The following CNNM1 variants were observed in gnomAD, a reference collection of about 807,000 sequenced individuals.
CNNM1 encodes cyclin and CBS domain divalent metal cation transport mediator 1, also known as metal transporter CNNM1.
Under a neutral mutation model 78.8 loss-of-function variants are expected in CNNM1, and 44 were observed. The observed-to-expected ratio is 0.56, with a 90% CI of 0.44 to 0.72. The LOEUF (loss-of-function observed/expected upper bound fraction) is 0.72. Among genes scored for constraint, CNNM1 ranks in the 30% least tolerant of loss-of-function variants. CNNM1 has a pLI of 0.00. For synonymous variants in CNNM1, 584 were observed against 581.5 expected (o/e 1.00, Z -0.06); for missense variants, 1,101 against 1,292.2 (o/e 0.85, Z 2.27).
At chr10:99,356,605 A>AAAGAAAGAAAGAAAGAAAGAAAGG (rs1491432735) in intron 1 of CNNM1, among the ~76,000 whole-genome samples, 1 of 56,326 alleles carries the variant, frequency 1.8e-5, no homozygotes, top group Non-Finnish European at 6.2e-5. Context: ...AGAAAGAAAG[A>AAAGAAAGAAAGAAAGAAAGAAAGG]AAAGAAAGAA....
At chr10:99,352,068 T>C (rs2030970133) in intron 1 of CNNM1, among the ~76,000 whole-genome samples, 1 of 152,184 alleles carries the variant, frequency 6.6e-6, no homozygotes, top group South Asian at 2.1e-4. Context: ...GCATCCCTAC[T>C]AATCTAATTC....
chr10:99,381,322 G>A (rs1352993862), intron 7 of CNNM1, among the ~76,000 whole-genome samples: 1 of 151,440 alleles, frequency 6.6e-6, no homozygotes, highest in Non-Finnish European at 1.5e-5. Context: ...GCTGAGGCAG[G>A]AGAATCGCTT....
Position 99,391,438 on chromosome 10 carries a change from T to C in CNNM1, c.2778T>C (p.Ser926=). Residue 926 remains serine (S), a splice_region_variant and synonymous_variant, in exon 11 of 11, where the codon AGT becomes AGC. Transcript: ENST00000356713. ...NVGKKLLRTL[S]GQKRKRSPEG... ...ATACTTGCAACTTGTTTTTTTCAGG[T>C]GGCCAAAAAAGGAAGAGGTCACCAG... 1 of 1,613,488 alleles carries C rather than the reference T, an allele frequency of 6.2e-7. No individual in the cohort carries two copies. The highest frequency in any genetic ancestry group is 2.2e-5 in the East Asian group (1 of 44,882).
intron 1 of CNNM1, among the ~76,000 whole-genome samples, chr10:99,350,972 G>A (rs1392093851): frequency 1.3e-5 from 2 of 152,186 alleles, no homozygotes; most frequent in African/African-American, 2.4e-5. Flanking sequence ...CAACCAGATT[G>A]TCTCCATACA....
chr10:99,356,600 G>GAAAGAAAGAAAGAAAGAAAGAAAAGA (rs780076032), intron 1 of CNNM1, among the ~76,000 whole-genome samples: 3 of 129,384 alleles, frequency 2.3e-5, no homozygotes, highest in Admixed American at 7.6e-5. Context: ...AAGAAAGAAA[G>GAAAGAAAGAAAGAAAGAAAGAAAAGA]AAAGAAAAGA....
chr10:99,389,620 T>C (rs2032414086), intron 9 of CNNM1, among the ~76,000 whole-genome samples: 1 of 152,042 alleles, frequency 6.6e-6, no homozygotes, highest in Non-Finnish European at 1.5e-5. Flanking sequence ...ATGAAGGCGA[T>C]GGAGTGGTCT....
intron 7 of CNNM1, among the ~76,000 whole-genome samples, chr10:99,384,461 A>G (rs566679962): frequency 6.6e-6 from 1 of 152,162 alleles, no homozygotes; most frequent in South Asian, 2.1e-4. Context: ...ACACCCACCA[A>G]CAGTGCAGAC....
intron 1 of CNNM1, among the ~76,000 whole-genome samples, chr10:99,341,926 C>T (rs1055005496): frequency 5.9e-5 from 9 of 152,098 alleles, no homozygotes; most frequent in Admixed American, 3.9e-4. Flanking sequence ...TTCTTGATGA[C>T]GCAGGATCAT....
At chr10:99,333,103 A>G (rs1007285801) in intron 1 of CNNM1, among the ~76,000 whole-genome samples, 12 of 152,126 alleles carry the variant, frequency 7.9e-5, no homozygotes, top group African/African-American at 2.9e-4. Context: ...GTGTCCTGAC[A>G]TGGTATTTCC....
chr10:99,347,804 G>A (rs549746917), intron 1 of CNNM1, among the ~76,000 whole-genome samples: 1 of 151,968 alleles, frequency 6.6e-6, no homozygotes, highest in African/African-American at 2.4e-5. Flanking sequence ...CCCAATGCAT[G>A]ACCTTTACAC....
At chr10:99,334,583 G>A (rs1286700019) in intron 1 of CNNM1, among the ~76,000 whole-genome samples, 6 of 152,108 alleles carry the variant, frequency 3.9e-5, no homozygotes, top group African/African-American at 9.7e-5. Flanking sequence ...GACAGGAGGC[G>A]GAGGTTGCAG....
chr10:99,367,237 T>C (rs2031650692), intron 6 of CNNM1, among the ~76,000 whole-genome samples: 1 of 152,190 alleles, frequency 6.6e-6, no homozygotes, highest in South Asian at 2.1e-4. Context: ...TAAAATCTTG[T>C]AGGGTCTTGG....
At chr10:99,368,589 TCA>T (rs770475766) in intron 6 of CNNM1, 4 of 1,285,032 alleles carry the variant, frequency 3.1e-6, no homozygotes, top group Middle Eastern at 2.1e-4. Context: ...CTTTCGCAAC[TCA>T]CAAATCCTTG....
intron 1 of CNNM1, among the ~76,000 whole-genome samples, chr10:99,333,265 G>C (rs1216490520): frequency 6.6e-6 from 1 of 152,212 alleles, no homozygotes; most frequent in Admixed American, 6.5e-5. Flanking sequence ...GAGCAGTTAA[G>C]ATAGTGTCTC....
At chr10:99,347,072 C>T (rs1230883196) in intron 1 of CNNM1, among the ~76,000 whole-genome samples, 1 of 151,980 alleles carries the variant, frequency 6.6e-6, no homozygotes, top group Non-Finnish European at 1.5e-5. Flanking sequence ...AAAAAAATAC[C>T]TATTGGGTAC....
chr10:99,359,355 C>A (rs1445373542), intron 2 of CNNM1, among the ~76,000 whole-genome samples: 1 of 152,090 alleles, frequency 6.6e-6, no homozygotes, highest in African/African-American at 2.4e-5. Flanking sequence ...GCTGAGTGAT[C>A]CTCTTTCTAC....
At chr10:99,372,633 A>G (rs1300542750) in intron 6 of CNNM1, among the ~76,000 whole-genome samples, 2 of 152,160 alleles carry the variant, frequency 1.3e-5, no homozygotes, top group Admixed American at 6.5e-5. Context: ...CCATGCTGCT[A>G]AGACACTCGT....
intron 1 of CNNM1, among the ~76,000 whole-genome samples, chr10:99,356,650 G>A (rs1349030280): frequency 6.8e-6 from 1 of 147,568 alleles, no homozygotes; most frequent in Non-Finnish European, 1.5e-5. Flanking sequence ...AAAGGAGGGA[G>A]GGAGGGAAGA....
intron 10 of CNNM1, among the ~76,000 whole-genome samples, chr10:99,390,721 T>C (rs576541807): frequency 6.6e-6 from 1 of 152,340 alleles, no homozygotes; most frequent in Admixed American, 6.5e-5. Context: ...CCATTTGTTA[T>C]CTATGGCAAC....
Sources: gnomAD v4.1 joint callset for allele counts (sites outside exome capture counted in the v4.1 genomes callset) on GRCh38, gnomAD v4.1.1 for gene constraint, MANE v1.5 for transcripts, NCBI Gene and HGNC (gene_info 2026-07-23, HGNC 2026-07-21) for gene names.